USP3: variants seen among roughly 807,000 people sequenced by gnomAD.
USP3 encodes ubiquitin carboxyl-terminal hydrolase 3.
Under a neutral mutation model 72.3 loss-of-function variants are expected in USP3, and 20 were observed. That is an observed-to-expected ratio of 0.28 (90% CI 0.19 to 0.40). USP3 has a LOEUF of 0.40. Among genes scored for constraint, USP3 ranks in the 10% least tolerant of loss-of-function variants. The pLI is 1.00. For missense variants in USP3, 479 were observed against 633.9 expected, an observed-to-expected ratio of 0.76 and a Z score of 2.62; for synonymous variants, 222 against 225.3, an observed-to-expected ratio of 0.99 and a Z score of 0.13.
At chr15:63,589,087 C>G (rs1199033188) in intron 14 of USP3, 76 bp downstream of exon 14, 1 of 1,500,836 alleles carries the variant, frequency 6.7e-7, no homozygotes, top group African/African-American at 1.4e-5. Flanking sequence ...TTGTACCACT[C>G]TTGCTAGTTC....
At chr15:63,562,546 C>A (rs150556108) in intron 7 of USP3, among the ~76,000 whole-genome samples, 33 of 152,234 alleles carry the variant, frequency 2.2e-4, no homozygotes, top group Non-Finnish European at 4.0e-4. Context: ...GAAAGAAAGC[C>A]GAATGCTTGT....
At chr15:63,557,261 T>C (rs1173376012) in intron 5 of USP3, among the ~76,000 whole-genome samples, 1 of 150,630 alleles carries the variant, frequency 6.6e-6, no homozygotes, top group Non-Finnish European at 1.5e-5. Flanking sequence ...ATTTTGTTTT[T>C]GTTTTTGTTT....
At chr15:63,532,120 G>C (rs1447394175) in intron 1 of USP3, among the ~76,000 whole-genome samples, 1 of 152,034 alleles carries the variant, frequency 6.6e-6, no homozygotes, top group Non-Finnish European at 1.5e-5. Context: ...TATACCATCA[G>C]CAAGAATTAT....
In USP3 at chr15:63,519,192, C is replaced by T. The variant is rs118164909; in HGVS notation, c.92-13455C>T. On this transcript the variant is annotated intron_variant, in intron 1 of 14. Coordinates refer to ENST00000380324, the MANE Select transcript of USP3 (RefSeq NM_006537.4). ...ATTGTCCCAACAATGGCCTTCATAG[C>T]TATTACTCCTTTCTGTTTACCTCCC... 9.2e-4 allele frequency among the ~76,000 whole-genome samples: 140 copies of T among 152,268 alleles called. 2 individuals are homozygous for T. In the East Asian group the frequency reaches 0.024, roughly 26 times the overall value.
At position 63,563,025 on chromosome 15, in the gene USP3, G is replaced by C; in HGVS notation, c.761+17G>C. ...AAACTTTAGGTAAGTATTATATGAA[G>C]ATATTTTTAAACATTAATATTAGTG... On this transcript the variant is annotated intron_variant, in intron 8 of 14. Coordinates refer to ENST00000380324, the MANE Select transcript of USP3 (RefSeq NM_006537.4). The C allele has an allele frequency of 6.5e-7, 1 of 1,547,406 alleles. No homozygotes were observed.
At chr15:63,515,357 T>C (rs2065837554) in intron 1 of USP3, 1 of 152,274 alleles carries the variant, frequency 6.6e-6, no homozygotes, top group Non-Finnish European at 1.5e-5. Context: ...GTTGTTTCCA[T>C]TTCATGGTGA....
Position 63,528,844 on chromosome 15 carries a change from G to T in USP3, c.92-3803G>T, listed in dbSNP as rs1422307556. Among the ~76,000 whole-genome samples the T allele has an allele frequency of 1.3e-5, 2 of 152,152 alleles. No homozygotes were observed. Among genetic ancestry groups the T allele is most frequent in the Non-Finnish European group, 2.9e-5 (2 of 68,028 alleles). On this transcript the variant is annotated intron_variant, in intron 1 of 14. Transcript: ENST00000380324. This position sits in a 1 kb window ranked among gnomAD's most constrained non-coding sequence, Gnocchi z 4.3. ...CTGTTCTCTTCTTAACAATAATTGAGAGTTTAATTTAAAGCCAGTGTTTTT... is the reference window on the plus strand; with the variant it reads ...CTGTTCTCTTCTTAACAATAATTGATAGTTTAATTTAAAGCCAGTGTTTTT...
rs2066026644 is a variant in USP3 at position 63,528,988 on chromosome 15, A to G, written c.92-3659A>G. On this transcript the variant is annotated intron_variant, in intron 1 of 14. Coordinates refer to ENST00000380324, the MANE Select transcript of USP3 (RefSeq NM_006537.4). This position sits in a 1 kb window ranked among gnomAD's most constrained non-coding sequence, Gnocchi z 4.3. ...TTTATTGGCTTCAGAATCCCTCATA[A>G]TACCCTATCCTCTGTATCTTTCTAG... 7.8e-7 allele frequency: 1 copy of G among 1,287,504 alleles called. No individual in the cohort carries two copies. Among genetic ancestry groups the G allele is most frequent in the Non-Finnish European group, 1.0e-6 (1 of 987,620 alleles). The allele number at this position is 1,287,504 out of a possible 1,614,324, so 79.8% of individuals were successfully genotyped here.
intron 2 of USP3, among the ~76,000 whole-genome samples, chr15:63,533,583 T>G (rs2066110687): frequency 1.3e-5 from 2 of 152,176 alleles, no homozygotes; most frequent in Admixed American, 1.3e-4. Context: ...CTGAGTCCCA[T>G]AGGCTGAAAT....
At chr15:63,589,090 G>GC in intron 14 of USP3, 79 bp downstream of exon 14, 2 of 1,504,706 alleles carry the variant, frequency 1.3e-6, no homozygotes, top group Non-Finnish European at 1.8e-6. Flanking sequence ...TACCACTCTT[G>GC]CTAGTTCTTC....
intron 11 of USP3, among the ~76,000 whole-genome samples, chr15:63,582,035 G>A (rs756310530): frequency 8.5e-5 from 13 of 152,142 alleles, no homozygotes; most frequent in Non-Finnish European, 1.3e-4. Context: ...GAAGAATTTG[G>A]AGAAAACTCA....
chr15:63,558,250 C>A, intron 6 of USP3, 62 bp downstream of exon 6: 1 of 1,566,778 alleles, frequency 6.4e-7, no homozygotes. Context: ...GGCTCTGGCT[C>A]CCTATCTCGT....
At chr15:63,558,222 T>C (rs774791091) in intron 6 of USP3, 34 bp downstream of exon 6, 30 of 1,609,924 alleles carry the variant, frequency 1.9e-5, no homozygotes, top group Non-Finnish European at 2.5e-5. Context: ...GTGTCTGACA[T>C]TAAAGGTTAA....
chr15:63,547,089 A>C (rs536275611), intron 3 of USP3, among the ~76,000 whole-genome samples: 3 of 152,308 alleles, frequency 2.0e-5, no homozygotes, highest in Admixed American at 6.5e-5. Context: ...AGGGGAATCT[A>C]GGTAGCTAGA....
At chr15:63,581,641 T>C (rs6494417) in intron 11 of USP3, among the ~76,000 whole-genome samples, 102,454 of 146,322 alleles carry the variant, frequency 0.7, 37,186 homozygotes, top group African/African-American at 0.79. Flanking sequence ...ATGATCCACC[T>C]GCCTCGGCCT....
At position 63,553,675 on chromosome 15, in the gene USP3, T is replaced by A. The variant is rs1465605570; in HGVS notation, c.285-40T>A. On this transcript the variant is annotated intron_variant, in intron 3 of 14. Transcript: ENST00000380324. This position sits in a 1 kb window ranked among gnomAD's most constrained non-coding sequence, Gnocchi z 4.2. Reference sequence around the variant, plus strand: ...TAGTGATTTCATTACTGTGGTTTCCTCAAGCTCTTTACACACATTGATTAA... The same window carrying A: ...TAGTGATTTCATTACTGTGGTTTCCACAAGCTCTTTACACACATTGATTAA... The A allele has an allele frequency of 5.7e-6, 9 of 1,584,060 alleles. No homozygotes were observed. In the East Asian group the frequency reaches 2.1e-4, roughly 36 times the overall value.
chr15:63,512,197 A>G (rs1188635146), intron 1 of USP3, among the ~76,000 whole-genome samples: 4 of 151,630 alleles, frequency 2.6e-5, no homozygotes, highest in Non-Finnish European at 5.9e-5. Context: ...TGGCCTCCCA[A>G]AGTGCTGGGA....
chr15:63,544,720 T>C lies in USP3; in HGVS notation c.284+7564T>C. 1 of 701,946 alleles carries C rather than the reference T, an allele frequency of 1.4e-6. No individual in the cohort carries two copies. The highest frequency in any genetic ancestry group is 2.7e-5 in the East Asian group (1 of 37,220). 43.5% of individuals were successfully genotyped at this position (701,946 alleles called of 1,614,324 possible). A position where few individuals can be genotyped will look rare whatever the true frequency, so the allele number is the denominator to read the frequency against. On this transcript the variant is annotated intron_variant, in intron 3 of 14. Coordinates refer to ENST00000380324, the MANE Select transcript of USP3 (RefSeq NM_006537.4). This position sits in a 1 kb window ranked among gnomAD's most constrained non-coding sequence, Gnocchi z 4.2. The stretch of plus-strand genomic sequence containing the variant: ...TAAGTGAATAGTGCGAAATGGAAAA[T>C]ACCGAGGGGTAAGAGAGTTCATGGT...
At chr15:63,584,792 T>C (rs1251638524) in intron 11 of USP3, among the ~76,000 whole-genome samples, 1 of 152,250 alleles carries the variant, frequency 6.6e-6, no homozygotes, top group Non-Finnish European at 1.5e-5. Flanking sequence ...ATTTTTTCTT[T>C]TGTTGCCTGT....
Sources: allele counts gnomAD v4.1 joint callset (sites outside exome capture counted in the v4.1 genomes callset), GRCh38; gene constraint gnomAD v4.1.1; non-coding constraint Gnocchi (gnomAD v3.1); transcripts MANE v1.5; gene names NCBI Gene and HGNC (gene_info 2026-07-23, HGNC 2026-07-21).